The following PACS2 variants were observed in gnomAD, a reference collection of about 807,000 sequenced individuals.
PACS2 encodes the protein PACS1-like protein.
In PACS2, 36 loss-of-function variants were observed where a neutral mutation model predicts 113.0. That is an observed-to-expected ratio of 0.32 (90% CI 0.24 to 0.42). PACS2 has a LOEUF of 0.42. Ranked by LOEUF, PACS2 falls within the 10% of genes least tolerant of loss-of-function variation. The pLI is 1.00. For missense variants in PACS2, 1,015 were observed against 1,239.5 expected (o/e 0.82, Z 2.72); for synonymous variants, 589 against 536.1 (o/e 1.10, Z -1.36).
At chr14:105,361,659 AAATT>A (rs1452944139) in intron 4 of PACS2, among the ~76,000 whole-genome samples, 1 of 149,956 alleles carries the variant, frequency 6.7e-6, no homozygotes, top group Non-Finnish European at 1.5e-5. Context: ...ACAAACAAAA[AAATT>A]AGTGGGCCGG....
chr14:105,381,337 G>A (rs924018220), intron 12 of PACS2, among the ~76,000 whole-genome samples: 3 of 152,226 alleles, frequency 2.0e-5, no homozygotes, highest in Non-Finnish European at 2.9e-5. Context: ...AGGGTCAGGC[G>A]GGTCTGCCCT....
chr14:105,389,643 A>G (rs1457857369), intron 19 of PACS2: 13 of 396,534 alleles, frequency 3.3e-5, no homozygotes, highest in African/African-American at 2.6e-4. Context: ...GGCACCTAGG[A>G]TGGCAGAGTG....
chr14:105,323,560 T>C lies in PACS2; in HGVS notation c.119+8523T>C, dbSNP rs999503025. Among the ~76,000 whole-genome samples, 1 of 151,280 alleles carries C rather than the reference T, an allele frequency of 6.6e-6. No homozygotes were observed. Among genetic ancestry groups the C allele is most frequent in the African/African-American group, 2.4e-5 (1 of 41,064 alleles). ...GGAACCAGGATGTCATGCCAAGGAG[T>C]GTGGTTTCATTTTGAGTGGTGGGGA... is the stretch of plus-strand genomic sequence containing the variant. On this transcript the variant is annotated intron_variant, in intron 1 of 24. Transcript: ENST00000447393. This position sits in a 1 kb window ranked among gnomAD's most constrained non-coding sequence, Gnocchi z 4.1.
chr14:105,309,776 C>A (rs1461728664), upstream of PACS2, among the ~76,000 whole-genome samples: 1 of 89,234 alleles, frequency 1.1e-5, no homozygotes, highest in South Asian at 3.9e-4. This position sits in a 1 kb window ranked among gnomAD's most constrained non-coding sequence, Gnocchi z 4.0. Context: ...TGATGTGTGT[C>A]TTTTTTTTTT....
upstream of PACS2, chr14:105,314,592 C>G (rs1195344970): frequency 6.9e-6 from 1 of 144,994 alleles, no homozygotes; most frequent in African/African-American, 2.5e-5. Context: ...CCGGCGCGCG[C>G]TGCGCCGGCG....
rs1004318184 is a variant in PACS2 at position 105,341,321 on chromosome 14, C to T, written c.120-7172C>T. On this transcript the variant is annotated intron_variant, in intron 1 of 24. Transcript: ENST00000447393. ...AGTCGGCTCTTTTATTCACCTATTT[C>T]GAGCAGACACAATGAAAGAGGAAAC... is the stretch of plus-strand genomic sequence containing the variant. 1.3e-4 allele frequency among the ~76,000 whole-genome samples: 20 copies of T among 152,198 alleles called. 1 individual carries two copies. Among genetic ancestry groups the T allele is most frequent in the Admixed American group, 2.6e-4 (4 of 15,286 alleles).
At chr14:105,392,947 G>C in intron 23 of PACS2, 102 bp downstream of exon 23, 2 of 943,492 alleles carry the variant, frequency 2.1e-6, no homozygotes, top group African/African-American at 1.6e-5. Context: ...GGCTGGCCTC[G>C]GGCAGCCCAC....
At chr14:105,307,369 C>A (rs1319155868) in intron 1 of PACS2, among the ~76,000 whole-genome samples, 1 of 152,166 alleles carries the variant, frequency 6.6e-6, no homozygotes, top group African/African-American at 2.4e-5. Flanking sequence ...ACTGAAATGA[C>A]CCAGTTCTAA....
intron 1 of PACS2, among the ~76,000 whole-genome samples, chr14:105,308,169 TG>T (rs897778359): frequency 1.4e-5 from 2 of 144,880 alleles, no homozygotes; most frequent in African/African-American, 5.2e-5. Context: ...GACCATAGAG[TG>T]AGACTCTGTC....
In PACS2 at chr14:105,383,856, G is replaced by A. The variant is rs369118295; in HGVS notation, c.1780+343G>A. On this transcript the variant is annotated intron_variant, in intron 16 of 24. Coordinates refer to ENST00000447393, the MANE Select transcript of PACS2 (RefSeq NM_001100913.3). ...GCTGTGATAACTCTATGCCAGTTTC[G>A]ATTTCCAAAGTCAGAAGTGCAAAGC... 33 of 315,142 alleles carry A rather than the reference G, an allele frequency of 1.0e-4. 1 individual carries two copies. The South Asian group carries it at 1.1e-3, about 10-fold the overall frequency. 19.5% of individuals were successfully genotyped at this position (315,142 alleles called of 1,614,324 possible). A position where few individuals can be genotyped will look rare whatever the true frequency, so the allele number is the denominator to read the frequency against.
In PACS2 at chr14:105,355,247, G is replaced by T; in HGVS notation, c.423+70G>T. 1 of 1,531,130 alleles carries T rather than the reference G, an allele frequency of 6.5e-7. No individual in the cohort carries two copies. The allele number at this position is 1,531,130 out of a possible 1,614,324, so 94.8% of individuals were successfully genotyped here. A position where few individuals can be genotyped will look rare whatever the true frequency, so the allele number is the denominator to read the frequency against. On this transcript the variant is annotated intron_variant, in intron 4 of 24. Coordinates refer to ENST00000447393, the MANE Select transcript of PACS2 (RefSeq NM_001100913.3). The surrounding 1 kb of genome is among the most constrained non-coding windows in gnomAD (Gnocchi z 4.1). ...GGTGCCAGAGCATTCGCCCGTGGGA[G>T]ATGGAGATGTCTCTCCCGGGTCCAG...
At chr14:105,337,348 G>A (rs782180988) in intron 1 of PACS2, among the ~76,000 whole-genome samples, 4 of 152,330 alleles carry the variant, frequency 2.6e-5, no homozygotes, top group East Asian at 1.9e-4. Flanking sequence ...GAGAGTTCTC[G>A]GGATGGATGG....
chr14:105,375,118 CGCTCTACCCTGGGCAACAAAGCAAG>C (rs2141196206), intron 8 of PACS2: 1 of 152,360 alleles, frequency 6.6e-6, no homozygotes, highest in African/African-American at 2.4e-5. Flanking sequence ...TGTGCCACTG[CGCTCTACCCTGGGCAACAAAGCAAG>C]ACCCTTTCTC....
intron 24 of PACS2, chr14:105,394,154 G>T: frequency 2.0e-6 from 2 of 981,584 alleles, no homozygotes; most frequent in Non-Finnish European, 2.4e-6. Flanking sequence ...CCTCCAGGTC[G>T]ACGTGGCCCT....
chr14:105,324,797 C>G lies in PACS2; in HGVS notation c.119+9760C>G, dbSNP rs1247205776. ...GCTACTGCTGGGCTGCTCTCAGGCC[C>G]GGGACATTCATGGCCGTAGCCCCAG... On this transcript the variant is annotated intron_variant, in intron 1 of 24. Transcript: ENST00000447393. The surrounding 1 kb of genome is among the most constrained non-coding windows in gnomAD (Gnocchi z 4.7). Among the ~76,000 whole-genome samples the G allele has an allele frequency of 3.3e-5, 5 of 152,134 alleles. No homozygotes were observed. The highest frequency in any genetic ancestry group is 7.4e-5 in the Non-Finnish European group (5 of 68,010).
In PACS2 at chr14:105,374,155, A is replaced by C. The variant is rs1240944107; in HGVS notation, c.802-2613A>C. Among the ~76,000 whole-genome samples, 11 of 121,682 alleles carry C rather than the reference A, an allele frequency of 9.0e-5. No individual in the cohort carries two copies. The Admixed American group carries it at 9.1e-4, about 10-fold the overall frequency. 79.8% of individuals were successfully genotyped at this position (121,682 alleles called of 152,430 possible). A position where few individuals can be genotyped will look rare whatever the true frequency, so the allele number is the denominator to read the frequency against. The stretch of plus-strand genomic sequence containing the variant: ...GGGCGACACAGCGAGACTCTGTCTC[A>C]AAAAAAAAAAAAAAAACTTGAAATG... On this transcript the variant is annotated intron_variant, in intron 8 of 24. Coordinates refer to ENST00000447393, the MANE Select transcript of PACS2 (RefSeq NM_001100913.3).
chr14:105,306,365 G>T (rs925804166), intron 1 of PACS2, among the ~76,000 whole-genome samples: 2 of 151,540 alleles, frequency 1.3e-5, no homozygotes, highest in African/African-American at 4.9e-5. Context: ...GTGCAGCGGC[G>T]CCATCTCGAC....
At chr14:105,373,118 T>C (rs1274535085) in intron 8 of PACS2, among the ~76,000 whole-genome samples, 2 of 152,232 alleles carry the variant, frequency 1.3e-5, no homozygotes, top group East Asian at 1.9e-4. Flanking sequence ...TGTTCATGAA[T>C]TGGAAAACTT....
rs2080778526 is a variant in PACS2 at position 105,376,455 on chromosome 14, G to A, written c.802-313G>A. 6.6e-6 allele frequency among the ~76,000 whole-genome samples: 1 copy of A among 152,130 alleles called. No individual in the cohort carries two copies. The highest frequency in any genetic ancestry group is 2.4e-5 in the African/African-American group (1 of 41,410). On this transcript the variant is annotated intron_variant, in intron 8 of 24. Transcript: ENST00000447393. This position sits in a 1 kb window ranked among gnomAD's most constrained non-coding sequence, Gnocchi z 4.7. Reference sequence around the variant, plus strand: ...TTCTGTCTTGGTTTTGGTGGTGGCTGCACAGTGGCCCACACCCGTCAGAGC... The same window carrying A: ...TTCTGTCTTGGTTTTGGTGGTGGCTACACAGTGGCCCACACCCGTCAGAGC...
Sources: allele counts gnomAD v4.1 joint callset (sites outside exome capture counted in the v4.1 genomes callset), GRCh38; gene constraint gnomAD v4.1.1; non-coding constraint Gnocchi (gnomAD v3.1); transcripts MANE v1.5; gene names NCBI Gene and HGNC (gene_info 2026-07-23, HGNC 2026-07-21).